Variants in NTN4 observed in about 807,000 individuals in gnomAD.
NTN4 encodes the protein netrin 4.
A neutral mutation model predicts 73.6 loss-of-function variants in NTN4; 32 were observed. The ratio of observed to expected loss-of-function variants is 0.44; its 90% CI spans 0.33 to 0.58. NTN4 has a LOEUF of 0.58. NTN4 is among the 20% of genes least tolerant of loss of function. The probability of loss-of-function intolerance (pLI) is 0.04; values close to 1 mark genes in which losing one functional copy is unlikely to be tolerated. For synonymous variants in NTN4, 258 were observed against 287.5 expected, an observed-to-expected ratio of 0.90 and a Z score of 1.04; for missense variants, 654 against 798.3, an observed-to-expected ratio of 0.82 and a Z score of 2.18.
chr12:95,682,812 T>C lies in NTN4; in HGVS notation c.1405A>G (p.Ile469Val). 6.2e-7 allele frequency: 1 copy of C among 1,606,548 alleles called. No individual in the cohort carries two copies. The highest frequency in any genetic ancestry group is 8.5e-7 in the Non-Finnish European group (1 of 1,173,628). The change falls in exon 7 of 10, where the codon ATA (isoleucine) becomes GTA (valine). Residue 469 changes from isoleucine to valine, a missense_variant. Transcript: ENST00000343702. ...TCAGGAACTTCATGATACCAGTCTA[T>C]GTCTGTGTGGCTAACAAAATAGAAC... The part of the protein sequence containing the change: ...TGDCISSHTD[I>V]DWYHEVPDFR...
At chr12:95,731,553 C>G (rs982075822) in intron 3 of NTN4, among the ~76,000 whole-genome samples, 3 of 151,994 alleles carry the variant, frequency 2.0e-5, no homozygotes, top group Admixed American at 1.3e-4. Flanking sequence ...GACTCTGTCT[C>G]AAAAAATAAT....
intron 4 of NTN4, among the ~76,000 whole-genome samples, chr12:95,712,787 C>CTTTCTTTTTTTTTT (rs2078573995): frequency 9.5e-6 from 1 of 105,732 alleles, no homozygotes; most frequent in Non-Finnish European, 1.8e-5. Flanking sequence ...TTCTTTCTTT[C>CTTTCTTTTTTTTTT]TTTTTTTTTT....
chr12:95,700,715 C>T (rs960305709), intron 5 of NTN4, among the ~76,000 whole-genome samples: 1 of 152,074 alleles, frequency 6.6e-6, no homozygotes, highest in Non-Finnish European at 1.5e-5. Flanking sequence ...CCACCACGAA[C>T]CCTGCCGCAA....
At chr12:95,730,040 G>T (rs1282084635) in intron 3 of NTN4, among the ~76,000 whole-genome samples, 1 of 152,138 alleles carries the variant, frequency 6.6e-6, no homozygotes, top group Non-Finnish European at 1.5e-5. Flanking sequence ...GTATTCATGA[G>T]AAAATTTGCA....
chr12:95,688,482 G>A (rs1279121164), intron 5 of NTN4, among the ~76,000 whole-genome samples: 1 of 152,072 alleles, frequency 6.6e-6, no homozygotes, highest in East Asian at 1.9e-4. Flanking sequence ...GGAAGGAAGG[G>A]AAAGAGAATG....
chr12:95,678,071 C>G (rs2078286980), intron 7 of NTN4, among the ~76,000 whole-genome samples: 1 of 151,954 alleles, frequency 6.6e-6, no homozygotes. Flanking sequence ...TCATTCTCAG[C>G]AAACTAACAC....
chr12:95,685,053 A>G (rs2078351023), intron 5 of NTN4, among the ~76,000 whole-genome samples: 1 of 152,062 alleles, frequency 6.6e-6, no homozygotes, highest in Non-Finnish European at 1.5e-5. Flanking sequence ...TATTTTTTAT[A>G]GAGATGGGGT....
At chr12:95,758,618 A>C (rs1045499725) in intron 2 of NTN4, among the ~76,000 whole-genome samples, 2 of 152,190 alleles carry the variant, frequency 1.3e-5, no homozygotes, top group South Asian at 4.1e-4. Context: ...TGGCTGGAGA[A>C]CAGTGGCACG....
intron 2 of NTN4, among the ~76,000 whole-genome samples, chr12:95,767,270 T>C (rs1245799358): frequency 6.6e-6 from 1 of 152,152 alleles, no homozygotes; most frequent in Non-Finnish European, 1.5e-5. Flanking sequence ...TTACCCATCC[T>C]TTAAGAGACA....
intron 5 of NTN4, among the ~76,000 whole-genome samples, chr12:95,688,044 G>A (rs945146273): frequency 7.9e-5 from 12 of 152,196 alleles, no homozygotes; most frequent in Non-Finnish European, 1.0e-4. Flanking sequence ...GAATTGCCTA[G>A]CTTTAGAGGT....
chr12:95,690,184 G>A (rs1454462979), intron 5 of NTN4, among the ~76,000 whole-genome samples: 1 of 152,202 alleles, frequency 6.6e-6, no homozygotes, highest in Non-Finnish European at 1.5e-5. Flanking sequence ...GACAATGGAG[G>A]AAAACAGCAT....
At chr12:95,695,776 C>A (rs930622998) in intron 5 of NTN4, among the ~76,000 whole-genome samples, 2 of 152,132 alleles carry the variant, frequency 1.3e-5, no homozygotes, top group African/African-American at 2.4e-5. Flanking sequence ...CTGGGTATAT[C>A]TAAGAGATCT....
chr12:95,725,762 T>C (rs2078689290), intron 3 of NTN4, among the ~76,000 whole-genome samples: 1 of 152,200 alleles, frequency 6.6e-6, no homozygotes, highest in Admixed American at 6.5e-5. Context: ...TAGGTGAATC[T>C]TGTAAAACAC....
At chr12:95,758,762 C>T (rs1308972879) in intron 2 of NTN4, among the ~76,000 whole-genome samples, 1 of 151,950 alleles carries the variant, frequency 6.6e-6, no homozygotes, top group East Asian at 1.9e-4. Flanking sequence ...ATGGGATCTC[C>T]CTATGTTGCC....
chr12:95,699,177 A>G (rs11832017), intron 5 of NTN4, among the ~76,000 whole-genome samples: 4,177 of 152,266 alleles, frequency 0.027, 202 homozygotes, highest in African/African-American at 0.094. Flanking sequence ...AAGGATGTCT[A>G]TGTTGTTTAT....
chr12:95,790,012 C>T lies in NTN4; in HGVS notation c.55+243G>A, dbSNP rs2079196314. ...GAAAGAAACCCCGGTCGCAGTATCC[C>T]CGGCAGGGCGCACCCAGGATAGCTG... On this transcript the variant is annotated intron_variant, in intron 1 of 9. Transcript: ENST00000343702. The surrounding 1 kb of genome is among the most constrained non-coding windows in gnomAD (Gnocchi z 6.5). 1 of 419,468 alleles carries T rather than the reference C, an allele frequency of 2.4e-6. No individual in the cohort carries two copies. The highest frequency in any genetic ancestry group is 2.1e-5 in the African/African-American group (1 of 48,490). The allele number at this position is 419,468 out of a possible 1,614,324, so 26.0% of individuals were successfully genotyped here.
rs1205846079 is a variant in NTN4 at position 95,790,481 on chromosome 12, C to T, written c.-172G>A. 8.0e-6 allele frequency: 4 copies of T among 498,510 alleles called. No individual in the cohort carries two copies. Among genetic ancestry groups the T allele is most frequent in the African/African-American group, 4.1e-5 (2 of 48,930 alleles). The allele number at this position is 498,510 out of a possible 1,614,324, so 30.9% of individuals were successfully genotyped here. A position where few individuals can be genotyped will look rare whatever the true frequency, so the allele number is the denominator to read the frequency against. On this transcript the variant is annotated 5_prime_UTR_variant, in exon 1 of 10. Coordinates refer to ENST00000343702, the MANE Select transcript of NTN4 (RefSeq NM_021229.4). The surrounding 1 kb of genome is among the most constrained non-coding windows in gnomAD (Gnocchi z 6.5). The stretch of plus-strand genomic sequence containing the variant: ...TCGCCGGCAGCTGGGAGCCAGGGGC[C>T]GGGACCGCGCGGGGAGGTGGGGTGA...
At chr12:95,726,799 G>A (rs137925320) in intron 3 of NTN4, among the ~76,000 whole-genome samples, 8 of 151,930 alleles carry the variant, frequency 5.3e-5, no homozygotes, top group South Asian at 2.1e-4. Context: ...GTGAAACCCC[G>A]TCTCTACTAA....
At chr12:95,725,234 A>G (rs1404778168) in intron 3 of NTN4, among the ~76,000 whole-genome samples, 1 of 152,134 alleles carries the variant, frequency 6.6e-6, no homozygotes, top group Non-Finnish European at 1.5e-5. Flanking sequence ...GCGTGAAAGC[A>G]AAAAACGAGT....
Sources: gnomAD v4.1 joint callset for allele counts (sites outside exome capture counted in the v4.1 genomes callset) on GRCh38, gnomAD v4.1.1 for gene constraint, Gnocchi (gnomAD v3.1) non-coding constraint, MANE v1.5 for transcripts, NCBI Gene and HGNC (gene_info 2026-07-23, HGNC 2026-07-21) for gene names.